The following TENM4 variants were observed in gnomAD, a reference collection of about 807,000 sequenced individuals.
TENM4 encodes the protein teneurin-4.
A neutral mutation model predicts 243.3 loss-of-function variants in TENM4; 82 were observed. The ratio of observed to expected loss-of-function variants is 0.34; its 90% CI spans 0.28 to 0.40. TENM4 has a LOEUF of 0.40. TENM4 is among the 10% of genes least tolerant of loss of function. The probability of loss-of-function intolerance (pLI) is 1.00; values close to 1 mark genes in which losing one functional copy is unlikely to be tolerated. For synonymous variants in TENM4, 1,412 were observed against 1,456.3 expected (o/e 0.97, Z 0.69); for missense variants, 3,138 against 3,673.3 (o/e 0.85, Z 3.77).
At chr11:78,772,314 C>T (rs1387778985) in intron 17 of TENM4, among the ~76,000 whole-genome samples, 2 of 152,078 alleles carry the variant, frequency 1.3e-5, no homozygotes, top group Admixed American at 6.6e-5. Flanking sequence ...TTCTATTGTG[C>T]CACTTGGTTT....
At chr11:79,262,291 G>A (rs1855811721) in intron 2 of TENM4, among the ~76,000 whole-genome samples, 2 of 152,192 alleles carry the variant, frequency 1.3e-5, no homozygotes, top group Admixed American at 6.5e-5. Flanking sequence ...GCTGTGTAGT[G>A]CACAGTTTAT....
intron 4 of TENM4, among the ~76,000 whole-genome samples, chr11:79,101,572 C>T (rs1440017253): frequency 2.6e-5 from 4 of 152,202 alleles, no homozygotes; most frequent in African/African-American, 9.6e-5. Context: ...CTGAGTAATC[C>T]TGCACAGTGC....
At chr11:79,364,223 G>A (rs1444310550) in intron 1 of TENM4, among the ~76,000 whole-genome samples, 2 of 152,162 alleles carry the variant, frequency 1.3e-5, no homozygotes, top group Non-Finnish European at 2.9e-5. Flanking sequence ...AACCGCATGT[G>A]CCAGAGCCTG....
intron 1 of TENM4, among the ~76,000 whole-genome samples, chr11:79,317,845 T>A (rs1856827920): frequency 6.6e-6 from 1 of 152,182 alleles, no homozygotes; most frequent in South Asian, 2.1e-4. Flanking sequence ...GGGTCTTGCA[T>A]CTGAGTAGGC....
intron 1 of TENM4, among the ~76,000 whole-genome samples, chr11:79,370,779 T>TAAAAAAAAAAAAAAAAAAAAAAA (rs544196671): frequency 1.7e-5 from 1 of 57,144 alleles, no homozygotes; most frequent in African/African-American, 5.9e-5. Context: ...ACTCCTATGG[T>TAAAAAAAAAAAAAAAAAAAAAAA]AAAAAAAAAA....
intron 6 of TENM4, chr11:78,903,725 C>T: frequency 1.1e-6 from 1 of 875,728 alleles, no homozygotes; most frequent in East Asian, 2.6e-5. Flanking sequence ...ACCAACTAAA[C>T]AGACAAAAAT....
At chr11:78,915,461 G>T (rs1481815980) in intron 6 of TENM4, among the ~76,000 whole-genome samples, 1 of 152,112 alleles carries the variant, frequency 6.6e-6, no homozygotes, top group Non-Finnish European at 1.5e-5. Context: ...CCCATCTGTG[G>T]ACTCTCTTAC....
intron 14 of TENM4, among the ~76,000 whole-genome samples, chr11:78,806,476 A>C (rs1170891802): frequency 1.3e-5 from 2 of 152,174 alleles, no homozygotes; most frequent in African/African-American, 2.4e-5. Context: ...GTCTCAGGAG[A>C]CCAATCCAGA....
At chr11:79,321,324 C>T (rs923291853) in intron 1 of TENM4, among the ~76,000 whole-genome samples, 3 of 152,214 alleles carry the variant, frequency 2.0e-5, no homozygotes, top group African/African-American at 7.2e-5. Context: ...CCGGCTGCTA[C>T]ACTTTCAGGC....
chr11:78,712,582 A>G lies in TENM4; in HGVS notation c.3954T>C (p.Ser1318=). ...TVVVKDLVKN[S]EVVAGTGDQC... ...GGTCACCTGTCCCCGCAACCACCTC[A>G]GAGTTCTTGACAAGGTCCTTCACCA... Residue 1318 remains serine (S), a synonymous_variant, in exon 26 of 34, where the codon TCT becomes TCC. Coordinates refer to ENST00000278550, the MANE Select transcript of TENM4 (RefSeq NM_001098816.3). The G allele has an allele frequency of 6.2e-7, 1 of 1,613,976 alleles. No homozygotes were observed. Among genetic ancestry groups the G allele is most frequent in the Non-Finnish European group, 8.5e-7 (1 of 1,179,882 alleles).
chr11:78,874,765 C>T (rs1462609721), intron 9 of TENM4, among the ~76,000 whole-genome samples: 1 of 152,166 alleles, frequency 6.6e-6, no homozygotes, highest in Non-Finnish European at 1.5e-5. Flanking sequence ...GGAATATACT[C>T]CATTCTACAG....
intron 1 of TENM4, among the ~76,000 whole-genome samples, chr11:79,305,432 T>C (rs1374038609): frequency 6.6e-6 from 1 of 152,018 alleles, no homozygotes; most frequent in Non-Finnish European, 1.5e-5. Context: ...GTGTTACTGG[T>C]GGATGGGAAG....
chr11:79,282,152 T>C (rs1389148275), intron 2 of TENM4, among the ~76,000 whole-genome samples: 1 of 152,186 alleles, frequency 6.6e-6, no homozygotes, highest in Admixed American at 6.5e-5. Flanking sequence ...AAAAAAGACA[T>C]TAAAAAGTAC....
intron 3 of TENM4, among the ~76,000 whole-genome samples, chr11:79,207,570 G>A (rs1165395120): frequency 6.6e-6 from 1 of 152,002 alleles, no homozygotes; most frequent in East Asian, 1.9e-4. Flanking sequence ...TTGGGAAAAG[G>A]GATAATACAG....
Position 79,070,151 on chromosome 11 carries a change from G to A in TENM4, c.-65-142C>T. 4 of 1,074,348 alleles carry A rather than the reference G, an allele frequency of 3.7e-6. No individual in the cohort carries two copies. In the South Asian group the frequency reaches 7.1e-5, roughly 19 times the overall value. 66.6% of individuals were successfully genotyped at this position (1,074,348 alleles called of 1,614,324 possible). A position where few individuals can be genotyped will look rare whatever the true frequency, so the allele number is the denominator to read the frequency against. On this transcript the variant is annotated intron_variant, in intron 4 of 33. Coordinates refer to ENST00000278550, the MANE Select transcript of TENM4 (RefSeq NM_001098816.3). The stretch of plus-strand genomic sequence containing the variant: ...GAGGGTACCGCTCCACCACTACGCA[G>A]CCCATAAGTGGCAAAGGAAAGTCGC...
intron 6 of TENM4, among the ~76,000 whole-genome samples, chr11:79,026,869 T>C (rs1013469395): frequency 2.6e-5 from 4 of 152,166 alleles, no homozygotes; most frequent in Admixed American, 2.0e-4. Context: ...ATAAATTTCC[T>C]GGGATCCTTC....
intron 6 of TENM4, among the ~76,000 whole-genome samples, chr11:79,022,439 C>A (rs1482868223): frequency 6.6e-6 from 1 of 152,066 alleles, no homozygotes; most frequent in Non-Finnish European, 1.5e-5. Flanking sequence ...GATCTTTGTG[C>A]AGATTTGTGA....
At position 78,670,085 on chromosome 11, in the gene TENM4, T is replaced by C; in HGVS notation, c.6260A>G (p.Asn2087Ser). 5 of 1,613,938 alleles carry C rather than the reference T, an allele frequency of 3.1e-6. No homozygotes were observed. Among genetic ancestry groups the C allele is most frequent in the African/African-American group, 1.3e-5 (1 of 75,020 alleles). ...VNARFDYNYDNSFRVTSMQAV... is the reference protein window; with the variant it reads ...VNARFDYNYDSSFRVTSMQAV... Reference sequence around the variant, plus strand: ...CTGCATGCTGGTCACCCGGAAGCTGTTGTCATAGTTGTAGTCAAAACGGGC... The same window carrying C: ...CTGCATGCTGGTCACCCGGAAGCTGCTGTCATAGTTGTAGTCAAAACGGGC... Residue 2087 changes from asparagine to serine, a missense_variant, in exon 32 of 34, where the codon AAC (asparagine) becomes AGC (serine). Physicochemically the swap from Asn to Ser is conservative, Grantham distance 46. Transcript: ENST00000278550.
rs113577896 is a variant in TENM4 at position 79,266,530 on chromosome 11, C to T, written c.-265+30958G>A. 9.9e-5 allele frequency among the ~76,000 whole-genome samples: 15 copies of T among 151,966 alleles called. 1 individual carries two copies. Among genetic ancestry groups the T allele is most frequent in the African/African-American group, 3.4e-4 (14 of 41,236 alleles). On this transcript the variant is annotated intron_variant, in intron 2 of 33. Coordinates refer to ENST00000278550, the MANE Select transcript of TENM4 (RefSeq NM_001098816.3). ...GCCCATCCTTCTGAAAGGCACAGGC[C>T]CTTATCTTTGCTACTGGTGTCAGTA...
Sources: gnomAD v4.1 joint callset for allele counts (sites outside exome capture counted in the v4.1 genomes callset) on GRCh38, gnomAD v4.1.1 for gene constraint, MANE v1.5 for transcripts, NCBI Gene and HGNC (gene_info 2026-07-23, HGNC 2026-07-21) for gene names.